STXBP5L: variants seen among roughly 807,000 people sequenced by gnomAD.
STXBP5L encodes syntaxin binding protein 5L.
Under a neutral mutation model 144.5 loss-of-function variants are expected in STXBP5L, and 65 were observed. The observed-to-expected ratio is 0.45, with a 90% CI of 0.37 to 0.55. The LOEUF is 0.55. Among genes scored for constraint, STXBP5L ranks in the 20% least tolerant of loss-of-function variants. STXBP5L has a pLI of 0.00. For synonymous variants in STXBP5L, 505 were observed against 469.6 expected, an observed-to-expected ratio of 1.08 and a Z score of -0.97; for missense variants, 1,298 against 1,405.5, an observed-to-expected ratio of 0.92 and a Z score of 1.22.
At chr3:120,995,509 A>G (rs368575500) in intron 3 of STXBP5L, among the ~76,000 whole-genome samples, 11 of 151,416 alleles carry the variant, frequency 7.3e-5, no homozygotes, top group African/African-American at 2.2e-4. Context: ...TTAATTGAAC[A>G]TTTTTAATGA....
chr3:121,131,676 T>C (rs985862037), intron 7 of STXBP5L, among the ~76,000 whole-genome samples: 4 of 152,184 alleles, frequency 2.6e-5, no homozygotes, highest in African/African-American at 9.6e-5. Flanking sequence ...GAAGCAATTA[T>C]AAGAGTGATA....
intron 6 of STXBP5L, among the ~76,000 whole-genome samples, chr3:121,115,573 A>G (rs2044197528): frequency 6.6e-6 from 1 of 152,180 alleles, no homozygotes; most frequent in Non-Finnish European, 1.5e-5. Context: ...GTTTCTGTAC[A>G]TGTGAAATGT....
chr3:120,999,633 T>C (rs1291361046), intron 3 of STXBP5L, among the ~76,000 whole-genome samples: 3 of 152,106 alleles, frequency 2.0e-5, no homozygotes, highest in Non-Finnish European at 4.4e-5. Flanking sequence ...CTGGGGTTTT[T>C]TTTTGTGGAC....
chr3:121,164,385 A>G (rs1310082556), intron 9 of STXBP5L, among the ~76,000 whole-genome samples: 2 of 152,234 alleles, frequency 1.3e-5, no homozygotes, highest in Non-Finnish European at 2.9e-5. Context: ...AAGAGATAAC[A>G]AATGTTGGCA....
chr3:121,181,490 T>C (rs1042364528), intron 9 of STXBP5L, among the ~76,000 whole-genome samples: 21 of 152,218 alleles, frequency 1.4e-4, no homozygotes, highest in African/African-American at 4.6e-4. Context: ...TCCCAGCACT[T>C]TGGGAGACCA....
At chr3:121,336,830 G>A (rs988675752) in intron 20 of STXBP5L, among the ~76,000 whole-genome samples, 4 of 152,154 alleles carry the variant, frequency 2.6e-5, no homozygotes, top group South Asian at 2.1e-4. Flanking sequence ...ACTTACAATA[G>A]CAAAGACATG....
chr3:121,081,732 T>TGAG (rs1251365489), intron 5 of STXBP5L, among the ~76,000 whole-genome samples: 2 of 152,198 alleles, frequency 1.3e-5, no homozygotes, highest in African/African-American at 2.4e-5. Context: ...TAAGGCAGGT[T>TGAG]GAGGAGACAT....
At chr3:121,092,135 T>C (rs1458011319) in intron 5 of STXBP5L, among the ~76,000 whole-genome samples, 3 of 152,198 alleles carry the variant, frequency 2.0e-5, no homozygotes, top group Non-Finnish European at 4.4e-5. Flanking sequence ...TCTATATCTC[T>C]GTTTTGGTAC....
intron 5 of STXBP5L, among the ~76,000 whole-genome samples, chr3:121,073,249 G>A (rs1233734886): frequency 2.0e-5 from 3 of 152,234 alleles, no homozygotes; most frequent in Non-Finnish European, 2.9e-5. Context: ...GTTGGCAGCA[G>A]TGTGGCTGGA....
At chr3:121,354,193 A>G (rs1213191802) in intron 20 of STXBP5L, among the ~76,000 whole-genome samples, 1 of 152,192 alleles carries the variant, frequency 6.6e-6, no homozygotes, top group East Asian at 1.9e-4. Context: ...GGTGTCTATT[A>G]GGTCTGTTTG....
At chr3:121,210,755 A>G (rs1001125726) in intron 10 of STXBP5L, among the ~76,000 whole-genome samples, 1 of 152,026 alleles carries the variant, frequency 6.6e-6, no homozygotes, top group Non-Finnish European at 1.5e-5. Context: ...GTGTGGTATT[A>G]TTTCTGAGGC....
chr3:121,148,282 C>A (rs1436920928), intron 7 of STXBP5L, among the ~76,000 whole-genome samples: 1 of 151,936 alleles, frequency 6.6e-6, no homozygotes, highest in South Asian at 2.1e-4. Context: ...AAAGAGAAGG[C>A]ACAAAAAATC....
chr3:121,257,549 G>A (rs1174479527), intron 17 of STXBP5L, among the ~76,000 whole-genome samples: 2 of 152,096 alleles, frequency 1.3e-5, no homozygotes, highest in African/African-American at 2.4e-5. Flanking sequence ...TTCCCAGAAG[G>A]ACTCTAAAGA....
chr3:121,358,303 A>AT (rs2045595928), intron 20 of STXBP5L, among the ~76,000 whole-genome samples: 1 of 151,998 alleles, frequency 6.6e-6, no homozygotes. Context: ...GTATTAGTCC[A>AT]TTCTCACACT....
chr3:120,939,638 G>A (rs1710459613), intron 2 of STXBP5L, among the ~76,000 whole-genome samples: 1 of 152,260 alleles, frequency 6.6e-6, no homozygotes, highest in Non-Finnish European at 1.5e-5. Flanking sequence ...ACAGCAAATC[G>A]TCTTTAGTAG....
intron 3 of STXBP5L, among the ~76,000 whole-genome samples, chr3:120,977,783 T>C (rs1220920563): frequency 6.6e-6 from 1 of 152,186 alleles, no homozygotes; most frequent in Non-Finnish European, 1.5e-5. Flanking sequence ...GTGAAGTATT[T>C]TATTTCTCCT....
chr3:121,258,405 A>G (rs2050277578), intron 17 of STXBP5L, among the ~76,000 whole-genome samples: 1 of 152,226 alleles, frequency 6.6e-6, no homozygotes, highest in Admixed American at 6.5e-5. Context: ...CAATTAGCAG[A>G]TGCTATACTT....
intron 2 of STXBP5L, among the ~76,000 whole-genome samples, chr3:120,936,737 G>C (rs575896744): frequency 6.6e-6 from 1 of 152,050 alleles, no homozygotes; most frequent in African/African-American, 2.4e-5. Context: ...AGCCTCCCAA[G>C]TAGCTGGGAC....
intron 5 of STXBP5L, among the ~76,000 whole-genome samples, chr3:121,093,922 T>A (rs1255724409): frequency 3.9e-5 from 6 of 152,316 alleles, no homozygotes; most frequent in South Asian, 2.1e-4. Flanking sequence ...GCTATACATT[T>A]CCCTCTACAC....
Sources: gnomAD v4.1 joint callset for allele counts (sites outside exome capture counted in the v4.1 genomes callset) on GRCh38, gnomAD v4.1.1 for gene constraint, MANE v1.5 for transcripts, NCBI Gene and HGNC (gene_info 2026-07-23, HGNC 2026-07-21) for gene names.